MAP2K2: variants seen among roughly 807,000 people sequenced by gnomAD.
The protein encoded by MAP2K2 is mitogen-activated protein kinase kinase 2.
MAP2K2 carries 24 observed loss-of-function variants against 43.7 expected under a neutral mutation model. The observed-to-expected ratio is 0.55, with a 90% CI of 0.40 to 0.77. The LOEUF (loss-of-function observed/expected upper bound fraction) is 0.77, where lower values mean the gene tolerates loss of function less well. MAP2K2 is among the 30% of genes least tolerant of loss of function. MAP2K2 has a pLI of 0.00. For synonymous variants in MAP2K2, 244 were observed against 239.7 expected, an observed-to-expected ratio of 1.02 and a Z score of -0.17; for missense variants, 470 against 566.8, an observed-to-expected ratio of 0.83 and a Z score of 1.73.
At chr19:4,108,108 T>C (rs549357100) in intron 3 of MAP2K2, among the ~76,000 whole-genome samples, 12 of 152,300 alleles carry the variant, frequency 7.9e-5, no homozygotes, top group African/African-American at 2.9e-4. Context: ...GAGAGCATCG[T>C]TCAGCATGGA....
intron 7 of MAP2K2, among the ~76,000 whole-genome samples, chr19:4,097,615 G>C (rs1002117413): frequency 6.6e-6 from 1 of 152,204 alleles, no homozygotes; most frequent in Non-Finnish European, 1.5e-5. Context: ...CATTTGGCTC[G>C]GTGAGGCTTG....
At chr19:4,090,848 C>T (rs926150471) in intron 10 of MAP2K2, 140 bp from the exon 11 acceptor site, 73 of 715,882 alleles carry the variant, frequency 1.0e-4, no homozygotes, top group Admixed American at 1.2e-4. Context: ...CACAGGAAGA[C>T]GCACTCGGGG....
chr19:4,111,116 G>A (rs1344867590), intron 2 of MAP2K2, among the ~76,000 whole-genome samples: 1 of 152,166 alleles, frequency 6.6e-6, no homozygotes, highest in East Asian at 1.9e-4. Context: ...GGGGATGTGT[G>A]GGTGCCGGGG....
intron 6 of MAP2K2, chr19:4,100,429 C>CAAAAAAAAAAAA (rs564673420): frequency 7.4e-5 from 4 of 53,866 alleles, no homozygotes; most frequent in African/African-American, 3.3e-4. Context: ...GACTCTGTCT[C>CAAAAAAAAAAAA]AAAAAAAAAA....
At chr19:4,120,032 A>C (rs1249998929) in intron 1 of MAP2K2, among the ~76,000 whole-genome samples, 1 of 152,258 alleles carries the variant, frequency 6.6e-6, no homozygotes, top group Non-Finnish European at 1.5e-5. Context: ...CTGGACAAAC[A>C]CCATCTCATT....
intron 1 of MAP2K2, among the ~76,000 whole-genome samples, chr19:4,119,234 T>C (rs2041264143): frequency 6.6e-6 from 1 of 152,130 alleles, no homozygotes; most frequent in African/African-American, 2.4e-5. Context: ...ATTATTATTA[T>C]TTTCTGAGAC....
At chr19:4,098,556 C>T (rs991837846) in intron 7 of MAP2K2, among the ~76,000 whole-genome samples, 13 of 152,318 alleles carry the variant, frequency 8.5e-5, no homozygotes, top group African/African-American at 2.4e-4. Context: ...AAGCAGGGTC[C>T]GCCCCCGGCT....
chr19:4,110,764 A>G (rs1490912755), intron 2 of MAP2K2, 109 bp from the exon 3 acceptor site: 5 of 1,205,518 alleles, frequency 4.1e-6, no homozygotes, highest in Non-Finnish European at 4.7e-6. Flanking sequence ...AGACCAACTC[A>G]GTACCCCCTC....
chr19:4,109,981 AG>A lies in MAP2K2; in HGVS notation c.450+527del, dbSNP rs554474953. Among the ~76,000 whole-genome samples the A allele has an allele frequency of 7.8e-3, 1,195 of 152,266 alleles. 9 individuals carry two copies. The highest frequency in any genetic ancestry group is 0.013 in the Non-Finnish European group (888 of 68,022). On this transcript the variant is annotated intron_variant, in intron 3 of 10. Transcript: ENST00000262948. The stretch of plus-strand genomic sequence containing the variant: ...CGGGATACAGCAAGAGAAAAAGCAA[AG>A]CTGGGAGGAAGACATGAGTGCTTAA...
Position 4,101,384 on chromosome 19 carries a change from C to G in MAP2K2, c.529-104G>C, listed in dbSNP as rs2041008989. The G allele has an allele frequency of 3.1e-6, 4 of 1,298,930 alleles. No individual in the cohort carries two copies. The East Asian group carries it at 7.6e-5, about 25-fold the overall frequency. The allele number at this position is 1,298,930 out of a possible 1,614,324, so 80.5% of individuals were successfully genotyped here. A position where few individuals can be genotyped will look rare whatever the true frequency, so the allele number is the denominator to read the frequency against. On this transcript the variant is annotated intron_variant, in intron 4 of 10. Coordinates refer to ENST00000262948, the MANE Select transcript of MAP2K2 (RefSeq NM_030662.4). This position sits in a 1 kb window ranked among gnomAD's most constrained non-coding sequence, Gnocchi z 6.3. The stretch of plus-strand genomic sequence containing the variant: ...AGCAGTCAGAGCTGGAGCGAGGGAG[C>G]TGCGGCAGGAACCATTTCAGGCTGT...
chr19:4,100,260 A>G (rs2040985026), intron 6 of MAP2K2: 1 of 151,830 alleles, frequency 6.6e-6, no homozygotes, highest in African/African-American at 2.4e-5. Flanking sequence ...AACAACAACA[A>G]CAACAAAAAC....
chr19:4,110,121 T>C (rs2145068743), intron 3 of MAP2K2, among the ~76,000 whole-genome samples: 1 of 152,022 alleles, frequency 6.6e-6, no homozygotes, highest in East Asian at 1.9e-4. Flanking sequence ...CTGGCCAAGA[T>C]GGTGAAACCC....
chr19:4,104,832 T>A (rs1208140330), intron 3 of MAP2K2: 1 of 152,392 alleles, frequency 6.6e-6, no homozygotes, highest in East Asian at 1.9e-4. Flanking sequence ...TTCTCCACTG[T>A]GACATCGGGG....
chr19:4,110,792 G>T (rs888114345), intron 2 of MAP2K2, 137 bp from the exon 3 acceptor site: 3 of 892,776 alleles, frequency 3.4e-6, no homozygotes, highest in African/African-American at 3.3e-5. Context: ...CCACCCCTAG[G>T]TGTCTGCCTA....
chr19:4,092,227 C>T (rs1374740428), intron 10 of MAP2K2, among the ~76,000 whole-genome samples: 1 of 152,154 alleles, frequency 6.6e-6, no homozygotes, highest in African/African-American at 2.4e-5. Flanking sequence ...GGGTGAAAAA[C>T]CAACCAACTT....
chr19:4,110,379 T>G, intron 3 of MAP2K2, 130 bp downstream of exon 3: 3 of 1,146,190 alleles, frequency 2.6e-6, no homozygotes, highest in Non-Finnish European at 3.8e-6. Context: ...TCGACTGCCT[T>G]GAGAAGGATC....
At chr19:4,093,274 C>T (rs566998136) in intron 10 of MAP2K2, among the ~76,000 whole-genome samples, 10 of 152,138 alleles carry the variant, frequency 6.6e-5, no homozygotes, top group Admixed American at 3.9e-4. Context: ...TGGCACACAT[C>T]GGTAGCCCCA....
rs558193059 is a variant in MAP2K2 at position 4,117,945 on chromosome 19, CT to C, written c.93-317del. On this transcript the variant is annotated intron_variant, in intron 1 of 10. Coordinates refer to ENST00000262948, the MANE Select transcript of MAP2K2 (RefSeq NM_030662.4). ...GCCTCCGTCTTTTTCTTTTCTTTTT[CT>C]TTTTTTTTTGAGACGGAGTCTCCCT... Among the ~76,000 whole-genome samples, 12 of 149,400 alleles carry C rather than the reference CT, an allele frequency of 8.0e-5. No individual in the cohort carries two copies. The South Asian group carries it at 1.5e-3, about 18-fold the overall frequency.
intron 2 of MAP2K2, among the ~76,000 whole-genome samples, chr19:4,112,945 C>T (rs963125467): frequency 6.6e-6 from 1 of 152,182 alleles, no homozygotes; most frequent in African/African-American, 2.4e-5. Context: ...GTTTTCACAC[C>T]GAGCCCTTGA....
Sources: gnomAD v4.1 joint callset for allele counts (sites outside exome capture counted in the v4.1 genomes callset) on GRCh38, gnomAD v4.1.1 for gene constraint, Gnocchi (gnomAD v3.1) non-coding constraint, MANE v1.5 for transcripts, NCBI Gene and HGNC (gene_info 2026-07-23, HGNC 2026-07-21) for gene names.